Variants in ANXA2 observed in about 807,000 individuals in gnomAD.
ANXA2 encodes annexin A2.
Under a neutral mutation model 47.3 loss-of-function variants are expected in ANXA2, and 28 were observed. That is an observed-to-expected ratio of 0.59 (90% CI 0.44 to 0.81). ANXA2 has a LOEUF of 0.81. Among genes scored for constraint, ANXA2 ranks in the 40% least tolerant of loss-of-function variants. ANXA2 has a pLI of 0.00. For synonymous variants in ANXA2, 172 were observed against 155.5 expected (o/e 1.11, Z -0.79); for missense variants, 384 against 414.3 (o/e 0.93, Z 0.64).
intron 1 of ANXA2, 48 bp downstream of exon 1, chr15:60,397,895 C>A (rs1049371965): frequency 7.4e-7 from 1 of 1,354,162 alleles, no homozygotes; most frequent in East Asian, 3.0e-5. Context: ...TCTCCACACC[C>A]CGCTAGCTGG....
intron 5 of ANXA2, among the ~76,000 whole-genome samples, chr15:60,359,479 C>T (rs1190786394): frequency 6.6e-6 from 1 of 152,172 alleles, no homozygotes; most frequent in Non-Finnish European, 1.5e-5. Flanking sequence ...GACATTTTAT[C>T]ATTCTTAATG....
intron 1 of ANXA2, among the ~76,000 whole-genome samples, chr15:60,392,375 C>T (rs1327439972): frequency 1.4e-5 from 2 of 147,730 alleles, no homozygotes; most frequent in African/African-American, 2.5e-5. Flanking sequence ...AACTTTTGTA[C>T]CAACCTAATA....
chr15:60,371,493 C>T (rs1415831884), intron 3 of ANXA2, among the ~76,000 whole-genome samples: 1 of 152,212 alleles, frequency 6.6e-6, no homozygotes, highest in Non-Finnish European at 1.5e-5. Context: ...CCTGGCATTC[C>T]ATGGAAAATG....
At chr15:60,369,065 T>C (rs1311108086) in intron 3 of ANXA2, among the ~76,000 whole-genome samples, 3 of 152,254 alleles carry the variant, frequency 2.0e-5, no homozygotes, top group Non-Finnish European at 4.4e-5. Context: ...TAAACATTTG[T>C]CCTACTGGGG....
chr15:60,351,172 C>G (rs200176446), intron 11 of ANXA2, 21 bp downstream of exon 11: 4 of 1,613,486 alleles, frequency 2.5e-6, no homozygotes, highest in Non-Finnish European at 2.5e-6. Flanking sequence ...AAACACAGCT[C>G]TCTCAGCCAG....
intron 3 of ANXA2, 98 bp downstream of exon 3, chr15:60,382,244 T>G (rs1425088658): frequency 1.1e-6 from 1 of 887,280 alleles, no homozygotes; most frequent in Admixed American, 1.9e-5. Flanking sequence ...GATGACAATT[T>G]CAAATCGCCA....
In ANXA2 at chr15:60,349,156, G is replaced by C; in HGVS notation, c.879C>G (p.Val293=). 1.9e-6 allele frequency: 3 copies of C among 1,614,016 alleles called. No individual in the cohort carries two copies. Among genetic ancestry groups the C allele is most frequent in the Non-Finnish European group, 2.5e-6 (3 of 1,179,912 alleles). The change falls in exon 12 of 13, where the codon GTC becomes GTG. Residue 293 remains valine, a synonymous_variant. Transcript: ENST00000451270. The stretch of plus-strand genomic sequence containing the variant: ...TCAACATGTCCACTTCACTGCGGGA[G>C]ACCATGATTCTGATCAGGACCTTAT... ...TRDKVLIRIM[V]SRSEVDMLKI...
chr15:60,367,393 CG>C (rs1275071410), intron 3 of ANXA2, among the ~76,000 whole-genome samples: 3 of 7,388 alleles, frequency 4.1e-4, no homozygotes, highest in Non-Finnish European at 2.3e-4. Flanking sequence ...GGGAGGGAGG[CG>C]GGGGGGGGTC....
At chr15:60,351,904 A>AT (rs1485153926) in intron 9 of ANXA2, 85 bp from the exon 10 acceptor site, 19 of 953,378 alleles carry the variant, frequency 2.0e-5, no homozygotes, top group African/African-American at 3.3e-5. Context: ...ATGCACCATA[A>AT]TTTTTTTAAA....
Position 60,352,212 on chromosome 15 carries a change from G to A in ANXA2, c.682+171C>T, listed in dbSNP as rs868800943. Among the ~76,000 whole-genome samples, 9 of 152,220 alleles carry A rather than the reference G, an allele frequency of 5.9e-5. No individual in the cohort carries two copies. Among genetic ancestry groups the A allele is most frequent in the African/African-American group, 2.2e-4 (9 of 41,462 alleles). ...CACCAAATGCAGAAACTATTTGCAAGAGAAAAGAATCCAGAATGGGAGAGA... is the reference window on the plus strand; with the variant it reads ...CACCAAATGCAGAAACTATTTGCAAAAGAAAAGAATCCAGAATGGGAGAGA... On this transcript the variant is annotated intron_variant, in intron 9 of 12. Coordinates refer to ENST00000451270, the MANE Select transcript of ANXA2 (RefSeq NM_004039.3). The surrounding 1 kb of genome is among the most constrained non-coding windows in gnomAD (Gnocchi z 4.2).
chr15:60,360,417 C>T (rs764527271), intron 5 of ANXA2, among the ~76,000 whole-genome samples: 13 of 152,184 alleles, frequency 8.5e-5, no homozygotes, highest in Non-Finnish European at 1.3e-4. Context: ...TGAGACTTCA[C>T]AGTTACTTTC....
intron 4 of ANXA2, chr15:60,362,652 C>G (rs2062533115): frequency 6.6e-6 from 1 of 152,194 alleles, no homozygotes; most frequent in African/African-American, 2.4e-5. Context: ...TCACAAACAG[C>G]CGATTGTTTC....
chr15:60,397,128 G>T, intron 1 of ANXA2: 1 of 294,850 alleles, frequency 3.4e-6, no homozygotes, highest in Non-Finnish European at 5.0e-6. Context: ...AGTGGGGCCA[G>T]CTGCACAGAG....
Position 60,361,906 on chromosome 15 carries a change from CT to C in ANXA2, c.244-853del, listed in dbSNP as rs552103518. Among the ~76,000 whole-genome samples the C allele has an allele frequency of 3.3e-3, 489 of 146,060 alleles. 1 individual carries two copies. The highest frequency in any genetic ancestry group is 8.6e-3 in the African/African-American group (346 of 40,120). Reference sequence around the variant, plus strand: ...TACTGAAATAATGTTCTTCTTTTCGCTTTTTTTTTTTTCTTCTCTCTCTTCT... The same window carrying C: ...TACTGAAATAATGTTCTTCTTTTCGCTTTTTTTTTTTCTTCTCTCTCTTCT... On this transcript the variant is annotated intron_variant, in intron 4 of 12. Transcript: ENST00000451270.
intron 1 of ANXA2, among the ~76,000 whole-genome samples, chr15:60,397,503 TG>T (rs1249861649): frequency 6.6e-6 from 1 of 152,054 alleles, no homozygotes; most frequent in Non-Finnish European, 1.5e-5. Flanking sequence ...TTAGAGCAGA[TG>T]GGGGGCACTT....
chr15:60,373,217 C>T (rs142933078), intron 3 of ANXA2, among the ~76,000 whole-genome samples: 1 of 152,296 alleles, frequency 6.6e-6, no homozygotes, highest in African/African-American at 2.4e-5. Context: ...TACAAATGCA[C>T]TTACATTTGG....
At chr15:60,373,050 A>G (rs557455687) in intron 3 of ANXA2, among the ~76,000 whole-genome samples, 13 of 152,278 alleles carry the variant, frequency 8.5e-5, no homozygotes, top group African/African-American at 3.1e-4. Context: ...CAGTGCATTA[A>G]AAGTTTAGTA....
chr15:60,376,710 C>A (rs564125124), intron 3 of ANXA2, among the ~76,000 whole-genome samples: 75 of 152,294 alleles, frequency 4.9e-4, no homozygotes, highest in African/African-American at 1.6e-3. Context: ...GAACAGCCTT[C>A]GTGACTCCTG....
chr15:60,393,742 A>G (rs1001053018), intron 1 of ANXA2: 1 of 940,014 alleles, frequency 1.1e-6, no homozygotes, highest in Non-Finnish European at 1.3e-6. Context: ...TGTCTGTGCA[A>G]CATTAGAGTT....
Sources: gnomAD v4.1 joint callset for allele counts (sites outside exome capture counted in the v4.1 genomes callset) on GRCh38, gnomAD v4.1.1 for gene constraint, Gnocchi (gnomAD v3.1) non-coding constraint, MANE v1.5 for transcripts, NCBI Gene and HGNC (gene_info 2026-07-23, HGNC 2026-07-21) for gene names.